Variants in BCKDHB observed in about 807,000 individuals in gnomAD.
BCKDHB encodes branched chain keto acid dehydrogenase E1 subunit beta, also known as 2-oxoisovalerate dehydrogenase subunit beta, mitochondrial.
BCKDHB carries 41 observed loss-of-function variants against 48.5 expected under a neutral mutation model. The observed-to-expected ratio is 0.85, with a 90% CI of 0.66 to 1.10. BCKDHB has a LOEUF of 1.10. BCKDHB is among the 50% of genes least tolerant of loss of function. The probability of loss-of-function intolerance (pLI) is 0.00; values close to 1 mark genes in which losing one functional copy is unlikely to be tolerated. For missense variants in BCKDHB, 496 were observed against 494.2 expected (o/e 1.00, Z -0.03); for synonymous variants, 201 against 174.8 (o/e 1.15, Z -1.18).
At chr6:80,405,107 A>T in the BCKDHB span, among the ~76,000 whole-genome samples, 1 of 152,000 alleles carries the variant, frequency 6.6e-6, no homozygotes, top group African/African-American at 2.4e-5. Context: ...TTCTGTCTGG[A>T]TGATCTACCT....
chr6:80,432,509 G>A, the BCKDHB span, among the ~76,000 whole-genome samples: 11 of 152,004 alleles, frequency 7.2e-5, no homozygotes, highest in Admixed American at 5.2e-4. Flanking sequence ...CGAAGTTCTC[G>A]TGCTGTGTTT....
chr6:80,422,442 A>G, the BCKDHB span, among the ~76,000 whole-genome samples: 242 of 152,310 alleles, frequency 1.6e-3, 1 homozygote, highest in Non-Finnish European at 2.0e-3. Flanking sequence ...AGAGTCCCCA[A>G]TGGGGCACTG....
chr6:80,346,388 T>C (rs989563388), downstream of BCKDHB: 1 of 152,188 alleles, frequency 6.6e-6, no homozygotes, highest in Non-Finnish European at 1.5e-5. Context: ...ATAGAAATGG[T>C]GACTTCTCAA....
intron 8 of BCKDHB, among the ~76,000 whole-genome samples, chr6:80,219,459 G>A (rs1406125954): frequency 6.6e-6 from 1 of 151,974 alleles, no homozygotes; most frequent in African/African-American, 2.4e-5. Flanking sequence ...CACACACCTC[G>A]GCCTCCCAAA....
chr6:80,338,047 A>G (rs941904843), intron 9 of BCKDHB, among the ~76,000 whole-genome samples: 1 of 150,444 alleles, frequency 6.6e-6, no homozygotes, highest in African/African-American at 2.4e-5. Flanking sequence ...ACTTTTCTTC[A>G]CAGTTTTCCA....
chr6:80,388,431 G>A, the BCKDHB span, among the ~76,000 whole-genome samples: 3 of 152,304 alleles, frequency 2.0e-5, no homozygotes, highest in East Asian at 5.8e-4. Context: ...GCCTGTTACT[G>A]AGCTTTGGTA....
At chr6:80,266,511 C>G (rs561112318) in intron 8 of BCKDHB, among the ~76,000 whole-genome samples, 17 of 152,066 alleles carry the variant, frequency 1.1e-4, no homozygotes, top group African/African-American at 4.1e-4. Context: ...CCATTGTGAC[C>G]TTTTTTCAGT....
intron 8 of BCKDHB, among the ~76,000 whole-genome samples, chr6:80,210,392 T>C (rs1038881915): frequency 2.0e-5 from 3 of 151,996 alleles, no homozygotes; most frequent in Non-Finnish European, 4.4e-5. Context: ...ACAAAACTAA[T>C]TGATGATGTT....
chr6:80,221,439 A>G (rs1775448219), intron 8 of BCKDHB, among the ~76,000 whole-genome samples: 1 of 152,056 alleles, frequency 6.6e-6, no homozygotes, highest in African/African-American at 2.4e-5. Flanking sequence ...AGTTTTCTCT[A>G]TTGCATTTTC....
the BCKDHB span, among the ~76,000 whole-genome samples, chr6:80,369,611 G>T: frequency 2.0e-5 from 3 of 152,172 alleles, no homozygotes; most frequent in South Asian, 4.1e-4. Flanking sequence ...CTGCCTTCTT[G>T]CCTGACTATG....
At chr6:80,459,962 T>G in the BCKDHB span, among the ~76,000 whole-genome samples, 1 of 152,138 alleles carries the variant, frequency 6.6e-6, no homozygotes, top group African/African-American at 2.4e-5. Context: ...AGAACTGGAA[T>G]TTCAGTAAAA....
chr6:80,376,678 T>G, the BCKDHB span, among the ~76,000 whole-genome samples: 1 of 152,210 alleles, frequency 6.6e-6, no homozygotes, highest in African/African-American at 2.4e-5. Flanking sequence ...CATTTTCTAT[T>G]TTTCACTTGT....
At chr6:80,215,220 C>A (rs149321334) in intron 8 of BCKDHB, among the ~76,000 whole-genome samples, 3 of 152,192 alleles carry the variant, frequency 2.0e-5, no homozygotes, top group Admixed American at 6.5e-5. Flanking sequence ...GGGCGGTGCC[C>A]TCCTCTCAGA....
chr6:80,276,219 A>C (rs1199550911), intron 9 of BCKDHB, among the ~76,000 whole-genome samples: 1 of 151,994 alleles, frequency 6.6e-6, no homozygotes, highest in Non-Finnish European at 1.5e-5. Context: ...GTAGCTTTTT[A>C]AAAGCTCATG....
At chr6:80,308,902 C>G (rs6454149) in intron 9 of BCKDHB, among the ~76,000 whole-genome samples, 139,422 of 152,128 alleles carry the variant, frequency 0.92, 63,978 homozygotes, top group East Asian at 0.99. Flanking sequence ...TCTTAACTTG[C>G]CTTGCCATTC....
At chr6:80,306,852 C>A (rs1199646135) in intron 9 of BCKDHB, among the ~76,000 whole-genome samples, 1 of 152,136 alleles carries the variant, frequency 6.6e-6, no homozygotes, top group South Asian at 2.1e-4. Flanking sequence ...CCTGGAGGCT[C>A]TTCTTCTGGA....
At chr6:80,407,331 C>A in the BCKDHB span, among the ~76,000 whole-genome samples, 4 of 152,128 alleles carry the variant, frequency 2.6e-5, no homozygotes, top group African/African-American at 9.7e-5. Context: ...ATTGTCCTTG[C>A]TATGCAGGCT....
chr6:80,379,610 G>T, the BCKDHB span, among the ~76,000 whole-genome samples: 1 of 151,900 alleles, frequency 6.6e-6, no homozygotes, highest in Non-Finnish European at 1.5e-5. Flanking sequence ...AATGAGGCAA[G>T]AAAAGAAATA....
At chr6:80,217,426 A>G (rs1276435515) in intron 8 of BCKDHB, among the ~76,000 whole-genome samples, 2 of 152,156 alleles carry the variant, frequency 1.3e-5, no homozygotes, top group Non-Finnish European at 2.9e-5. Context: ...TTACATAACT[A>G]TTTCACATCT....
Sources: allele counts gnomAD v4.1 joint callset (sites outside exome capture counted in the v4.1 genomes callset), GRCh38; gene constraint gnomAD v4.1.1; transcripts MANE v1.5; gene names NCBI Gene and HGNC (gene_info 2026-07-23, HGNC 2026-07-21).